Variants in SLC9B2 observed in about 807,000 individuals in gnomAD.
SLC9B2 encodes solute carrier family 9 member B2.
A neutral mutation model predicts 52.2 loss-of-function variants in SLC9B2; 39 were observed. That is an observed-to-expected ratio of 0.75 (90% CI 0.58 to 0.98). The LOEUF (loss-of-function observed/expected upper bound fraction) is 0.98, where lower values mean the gene tolerates loss of function less well. Among genes scored for constraint, SLC9B2 ranks in the 50% least tolerant of loss-of-function variants. The pLI is 0.00. For synonymous variants in SLC9B2, 214 were observed against 227.0 expected, an observed-to-expected ratio of 0.94 and a Z score of 0.51; for missense variants, 626 against 637.5, an observed-to-expected ratio of 0.98 and a Z score of 0.19.
intron 7 of SLC9B2, among the ~76,000 whole-genome samples, chr4:103,045,834 A>G (rs1744073268): frequency 6.6e-6 from 1 of 152,196 alleles, no homozygotes; most frequent in African/African-American, 2.4e-5. Flanking sequence ...GGACCTACAT[A>G]AGAGTATTTT....
chr4:103,048,646 GAATCAGGTGTAGGC>G, intron 6 of SLC9B2: 3 of 356,736 alleles, frequency 8.4e-6, no homozygotes, highest in Non-Finnish European at 1.6e-5. Flanking sequence ...AACAGGCATT[GAATCAGGTGTAGGC>G]AAAAGACCAC....
At position 103,031,681 on chromosome 4, in the gene SLC9B2, C is replaced by T. The variant is rs762071286; in HGVS notation, c.1255+19G>A. ...CAAAAAAAGTGAATTTTAACAAAAGCACATTTTGAAATTCTTACCTACAGT... is the reference window on the plus strand; with the variant it reads ...CAAAAAAAGTGAATTTTAACAAAAGTACATTTTGAAATTCTTACCTACAGT... On this transcript the variant is annotated intron_variant, in intron 10 of 11. Transcript: ENST00000394785. The T allele has an allele frequency of 3.8e-6, 6 of 1,595,234 alleles. No individual in the cohort carries two copies. The highest frequency in any genetic ancestry group is 5.1e-6 in the Non-Finnish European group (6 of 1,167,410).
At chr4:103,020,722 C>T (rs994859420), downstream of SLC9B2, among the ~76,000 whole-genome samples, 3 of 152,124 alleles carry the variant, frequency 2.0e-5, no homozygotes, top group Admixed American at 6.5e-5. Flanking sequence ...CTGCAGCCTC[C>T]TCCTCCTTGG....
At chr4:103,038,756 GA>G (rs1219642714) in intron 9 of SLC9B2, among the ~76,000 whole-genome samples, 1 of 151,978 alleles carries the variant, frequency 6.6e-6, no homozygotes, top group East Asian at 1.9e-4. Context: ...TTAAGATTCA[GA>G]AAATCCAAAA....
intron 8 of SLC9B2, among the ~76,000 whole-genome samples, chr4:103,044,045 C>T (rs572034436): frequency 6.6e-6 from 1 of 152,106 alleles, no homozygotes; most frequent in East Asian, 1.9e-4. Context: ...TTTACTTTTC[C>T]CTGTCCAGGC....
chr4:103,067,453 A>G lies in SLC9B2; in HGVS notation c.90+8T>C. 2 of 1,609,772 alleles carry G rather than the reference A, an allele frequency of 1.2e-6. No individual in the cohort carries two copies. The highest frequency in any genetic ancestry group is 1.7e-6 in the Non-Finnish European group (2 of 1,176,522). On this transcript the variant is annotated splice_region_variant and intron_variant, in intron 2 of 11. Transcript: ENST00000394785. ...AGAAAACACAATTCTATCACAGCTT[A>G]GATTTACCTGTGCTTCTTGATGCAT...
chr4:103,075,128 C>A (rs1404208448), intron 1 of SLC9B2, among the ~76,000 whole-genome samples: 1 of 152,064 alleles, frequency 6.6e-6, no homozygotes, highest in Non-Finnish European at 1.5e-5. Flanking sequence ...CATAACAACC[C>A]CATCCCTTAA....
At chr4:103,073,270 T>C (rs1262935628) in intron 1 of SLC9B2, among the ~76,000 whole-genome samples, 1 of 152,216 alleles carries the variant, frequency 6.6e-6, no homozygotes, top group African/African-American at 2.4e-5. Flanking sequence ...ACTATGATTG[T>C]TCAATACTCT....
At chr4:103,066,009 T>C (rs757996046) in intron 3 of SLC9B2, among the ~76,000 whole-genome samples, 5 of 152,252 alleles carry the variant, frequency 3.3e-5, no homozygotes, top group Admixed American at 6.5e-5. Context: ...TGTAGTGTTT[T>C]ACAGTCCTAA....
chr4:103,066,158 C>G (rs538046810), intron 3 of SLC9B2, among the ~76,000 whole-genome samples, 169 bp downstream of exon 3: 69 of 152,306 alleles, frequency 4.5e-4, no homozygotes, highest in African/African-American at 1.5e-3. Context: ...AGTCTAGGTC[C>G]TTCCCTTGAA....
chr4:103,037,366 T>C (rs910839374), intron 9 of SLC9B2, among the ~76,000 whole-genome samples: 3 of 152,228 alleles, frequency 2.0e-5, no homozygotes, highest in Non-Finnish European at 4.4e-5. Flanking sequence ...GGTTTTGTTA[T>C]TTGTCTTTTC....
intron 1 of SLC9B2, among the ~76,000 whole-genome samples, chr4:103,068,664 T>C (rs762412738): frequency 1.1e-4 from 17 of 152,230 alleles, no homozygotes; most frequent in Non-Finnish European, 1.9e-4. Flanking sequence ...ATCAAGTTTT[T>C]TCTTCTTTTT....
At position 103,048,942 on chromosome 4, in the gene SLC9B2, G is replaced by C; in HGVS notation, c.664C>G (p.Leu222Val). The C allele has an allele frequency of 1.9e-6, 3 of 1,613,994 alleles. No individual in the cohort carries two copies. The highest frequency in any genetic ancestry group is 1.1e-5 in the South Asian group (1 of 91,078). ...GGTAAACCCAGCAGGTAATGGGCAAGAAGAGCAGATGTGCACGCCTCCACA... is the reference window on the plus strand; with the variant it reads ...GGTAAACCCAGCAGGTAATGGGCAACAAGAGCAGATGTGCACGCCTCCACA... ...CIVEACTSAL[L>V]AHYLLGLPWQ... The change falls in exon 6 of 12, where the codon CTT (leucine) becomes GTT (valine). Residue 222 changes from leucine (L) to valine (V), a missense_variant. Physicochemically the swap from Leu to Val is conservative, Grantham distance 32. Coordinates refer to ENST00000394785, the MANE Select transcript of SLC9B2 (RefSeq NM_178833.7).
At chr4:103,054,351 C>T (rs5008412) in intron 4 of SLC9B2, among the ~76,000 whole-genome samples, 3,752 of 152,268 alleles carry the variant, frequency 0.025, 59 homozygotes, top group Non-Finnish European at 0.041. Flanking sequence ...GATCTTGCTA[C>T]ATAAAATGCG....
At chr4:103,022,234 G>T (rs1057322821), downstream of SLC9B2, among the ~76,000 whole-genome samples, 1 of 152,170 alleles carries the variant, frequency 6.6e-6, no homozygotes, top group South Asian at 2.1e-4. Flanking sequence ...GGAGTAAATG[G>T]ATTTTAAAAC....
At chr4:103,057,273 TACACACACACAC>T in intron 4 of SLC9B2, among the ~76,000 whole-genome samples, 1 of 143,266 alleles carries the variant, frequency 7.0e-6, no homozygotes, top group African/African-American at 2.6e-5. Context: ...TATATATATA[TACACACACACAC>T]ACACATATAT....
intron 3 of SLC9B2, among the ~76,000 whole-genome samples, chr4:103,060,252 T>C (rs1745505818): frequency 6.6e-6 from 1 of 151,908 alleles, no homozygotes. Flanking sequence ...TACTGCATTC[T>C]AGATAATCTC....
intron 9 of SLC9B2, among the ~76,000 whole-genome samples, chr4:103,038,391 TTAGAC>T (rs1250778956): frequency 2.0e-5 from 3 of 152,312 alleles, no homozygotes; most frequent in East Asian, 1.9e-4. Flanking sequence ...TTATAACACT[TTAGAC>T]TAGTTGAACA....
intron 1 of SLC9B2, among the ~76,000 whole-genome samples, chr4:103,068,344 C>T (rs1746330573): frequency 6.6e-6 from 1 of 152,178 alleles, no homozygotes; most frequent in Non-Finnish European, 1.5e-5. Flanking sequence ...CAGTTCCTAG[C>T]CACTTTTGTA....
Sources: allele counts gnomAD v4.1 joint callset (sites outside exome capture counted in the v4.1 genomes callset), GRCh38; gene constraint gnomAD v4.1.1; transcripts MANE v1.5; gene names NCBI Gene and HGNC (gene_info 2026-07-23, HGNC 2026-07-21).